BSG: variants seen among roughly 807,000 people sequenced by gnomAD.
BSG encodes basigin (Ok blood group).
BSG carries 37 observed loss-of-function variants against 43.1 expected under a neutral mutation model. That is an observed-to-expected ratio of 0.86 (90% CI 0.66 to 1.13). BSG has a LOEUF of 1.13. BSG is among the 50% of genes most tolerant of loss of function. The probability of loss-of-function intolerance (pLI) is 0.00; values close to 1 mark genes in which losing one functional copy is unlikely to be tolerated. For synonymous variants in BSG, 309 were observed against 238.7 expected, an observed-to-expected ratio of 1.29 and a Z score of -2.72; for missense variants, 599 against 554.2, an observed-to-expected ratio of 1.08 and a Z score of -0.81.
At chr19:573,611 C>T (rs955656852) in intron 1 of BSG, among the ~76,000 whole-genome samples, 5 of 152,162 alleles carry the variant, frequency 3.3e-5, no homozygotes, top group Non-Finnish European at 5.9e-5. Context: ...TCTGATTCTG[C>T]CTGGATTCAG....
Position 581,300 on chromosome 19 carries a change from C to T in BSG, c.793-15C>T, listed in dbSNP as rs1038778931. 1 of 1,605,368 alleles carries T rather than the reference C, an allele frequency of 6.2e-7. No individual in the cohort carries two copies. On this transcript the variant is annotated splice_polypyrimidine_tract_variant and intron_variant, in intron 5 of 8. Coordinates refer to ENST00000333511, the MANE Select transcript of BSG (RefSeq NM_001728.4). ...CTGGGGGTCCTGGACTCAGCCCTTG[C>T]CTTTGGTCCCCTAGGCCCTCATGAA...
intron 2 of BSG, chr19:578,775 A>C: frequency 1.7e-5 from 5 of 300,218 alleles, no homozygotes; most frequent in South Asian, 5.3e-5. Flanking sequence ...TGCTGTTCCC[A>C]GGTGGAGTGT....
At chr19:572,280 G>C (rs541980541), upstream of BSG, 3 of 604,386 alleles carry the variant, frequency 5.0e-6, no homozygotes, top group Admixed American at 6.3e-5. Flanking sequence ...CACTTTCAAC[G>C]CTTCAACCCC....
intron 1 of BSG, among the ~76,000 whole-genome samples, chr19:576,377 G>T (rs28921978): frequency 0.057 from 8,734 of 152,304 alleles, 397 homozygotes; most frequent in Admixed American, 0.13. Context: ...GACTCACCTC[G>T]CCCAGCTCTG....
intron 6 of BSG, 45 bp from the exon 7 acceptor site, chr19:582,261 G>A (rs1367105023): frequency 1.2e-6 from 2 of 1,604,340 alleles, no homozygotes; most frequent in Admixed American, 3.5e-5. Context: ...AGTGCTGACA[G>A]GCTGTCCTCT....
At position 577,973 on chromosome 19, in the gene BSG, G is replaced by A. The variant is rs368758085; in HGVS notation, c.267G>A (p.Ala89=). ...VHIHATYHQH[A]ASTISIDTLV... ...TCCACGCCACCTACCACCAGCACGC[G>A]GCCAGCACCATCTCCATCGACACGC... Residue 89 remains alanine, a synonymous_variant, in exon 2 of 9, where the codon GCG becomes GCA. Coordinates refer to ENST00000333511, the MANE Select transcript of BSG (RefSeq NM_001728.4). The A allele has an allele frequency of 3.0e-5, 49 of 1,612,070 alleles. No homozygotes were observed. The highest frequency in any genetic ancestry group is 9.3e-5 in the African/African-American group (7 of 74,910).
intron 2 of BSG, 102 bp downstream of exon 2, chr19:578,223 C>A: frequency 8.2e-7 from 1 of 1,221,972 alleles, no homozygotes; most frequent in Non-Finnish European, 1.1e-6. Flanking sequence ...CCTCCCCTCT[C>A]CGTCCCGCTG....
At chr19:576,760 A>AAAG (rs58184845) in intron 1 of BSG, among the ~76,000 whole-genome samples, 20,386 of 146,064 alleles carry the variant, frequency 0.14, 1,566 homozygotes, top group Admixed American at 0.2. Context: ...AAAAAAAAAA[A>AAAG]AAGAAGAAGA....
At chr19:571,402 G>T, upstream of BSG, 1 of 654,558 alleles carries the variant, frequency 1.5e-6, no homozygotes, top group Non-Finnish European at 2.7e-6. Flanking sequence ...TCCAAGAGAC[G>T]CCCCCACCTG....
intron 6 of BSG, among the ~76,000 whole-genome samples, chr19:581,884 C>T (rs576854854): frequency 3.3e-5 from 5 of 152,398 alleles, no homozygotes; most frequent in East Asian, 1.9e-4. Context: ...CCGTGGTGAG[C>T]CGGCCCTTGC....
At chr19:576,200 T>C (rs964487538) in intron 1 of BSG, among the ~76,000 whole-genome samples, 9 of 152,216 alleles carry the variant, frequency 5.9e-5, no homozygotes, top group African/African-American at 1.9e-4. Context: ...TGCCCTGCCC[T>C]GCCTGGAGGT....
In BSG at chr19:581,610, T is replaced by C. The variant is rs1382112296; in HGVS notation, c.1069+19T>C. 12 of 1,564,788 alleles carry C rather than the reference T, an allele frequency of 7.7e-6. No individual in the cohort carries two copies. Among genetic ancestry groups the C allele is most frequent in the Non-Finnish European group, 9.5e-6 (11 of 1,157,920 alleles). On this transcript the variant is annotated intron_variant, in intron 6 of 8. Transcript: ENST00000333511. The stretch of plus-strand genomic sequence containing the variant: ...CTGGATGGTGAGCCGTCTGCCCTCC[T>C]GCCCACATGCCCTGCTCTCGGGGTG...
At chr19:579,025 C>G (rs1341761356) in intron 2 of BSG, 2 of 456,480 alleles carry the variant, frequency 4.4e-6, no homozygotes, top group Admixed American at 2.3e-5. Flanking sequence ...CCTCCGCGCC[C>G]GGCCACCACC....
upstream of BSG, chr19:571,727 G>T: frequency 1.5e-6 from 1 of 687,016 alleles, no homozygotes. Context: ...TGCGTGGGAT[G>T]CAATCTCCAG....
chr19:579,449 C>T (rs988864757), intron 2 of BSG, 51 bp from the exon 3 acceptor site: 3 of 1,605,728 alleles, frequency 1.9e-6, no homozygotes, highest in Non-Finnish European at 2.5e-6. Flanking sequence ...AGGCAGGCAG[C>T]GCGGGCCGTG....
chr19:577,672 C>A, intron 1 of BSG, 102 bp from the exon 2 acceptor site: 1 of 1,020,728 alleles, frequency 9.8e-7, no homozygotes, highest in Non-Finnish European at 1.3e-6. Context: ...GTGGCTTCTC[C>A]ACCAGCCCTG....
upstream of BSG, chr19:571,786 G>C (rs1981260568): frequency 1.7e-6 from 1 of 589,260 alleles, no homozygotes; most frequent in Non-Finnish European, 3.0e-6. Flanking sequence ...TCCTTTCCCT[G>C]TTGGCTGGGG....
Position 577,862 on chromosome 19 carries a change from C to T in BSG, c.156C>T (p.Pro52=), listed in dbSNP as rs768376738. 6.4e-6 allele frequency: 10 copies of T among 1,554,476 alleles called. No individual in the cohort carries two copies. The highest frequency in any genetic ancestry group is 1.7e-4 in the Middle Eastern group (1 of 5,932). The change falls in exon 2 of 9, where the codon CCC becomes CCT. Residue 52 remains proline, a synonymous_variant. Coordinates refer to ENST00000333511, the MANE Select transcript of BSG (RefSeq NM_001728.4). ...GCGAGGCCGTGGGCAGCCCGGTGCC[C>T]GAGATCCAGTGGTGGTTTGAAGGGC... ...LHCEAVGSPV[P]EIQWWFEGQG...
upstream of BSG, chr19:571,377 C>G: frequency 1.6e-6 from 1 of 614,284 alleles, no homozygotes. Flanking sequence ...TAACTTCCAA[C>G]ACACACTTTC....
Sources: gnomAD v4.1 joint callset for allele counts (sites outside exome capture counted in the v4.1 genomes callset) on GRCh38, gnomAD v4.1.1 for gene constraint, MANE v1.5 for transcripts, NCBI Gene and HGNC (gene_info 2026-07-23, HGNC 2026-07-21) for gene names.